The following KMT2E variants were observed in gnomAD, a reference collection of about 807,000 sequenced individuals.
The protein encoded by KMT2E is histone reader KMT2E.
In KMT2E, 30 loss-of-function variants were observed where a neutral mutation model predicts 184.6. The ratio of observed to expected loss-of-function variants is 0.16; its 90% CI spans 0.12 to 0.22. The LOEUF (loss-of-function observed/expected upper bound fraction) is 0.22, where lower values mean the gene tolerates loss of function less well. KMT2E is among the 10% of genes least tolerant of loss of function. The pLI, the probability that KMT2E is intolerant of heterozygous loss-of-function variation, is 1.00. For synonymous variants in KMT2E, 815 were observed against 776.5 expected, an observed-to-expected ratio of 1.05 and a Z score of -0.82; for missense variants, 2,023 against 2,237.4, an observed-to-expected ratio of 0.90 and a Z score of 1.93.
In KMT2E at chr7:105,046,252, A is replaced by G. The variant is rs186629316; in HGVS notation, c.71+5229A>G. Among the ~76,000 whole-genome samples the G allele has an allele frequency of 3.9e-4, 60 of 152,340 alleles. No individual in the cohort carries two copies. In the East Asian group the frequency reaches 0.011, roughly 28 times the overall value. The stretch of plus-strand genomic sequence containing the variant: ...TTTTCACTCAAAGACAGCAATACAC[A>G]TAAGCCATAATTTTTCTAAAAACAC... On this transcript the variant is annotated intron_variant, in intron 3 of 26. Coordinates refer to ENST00000311117, the MANE Select transcript of KMT2E (RefSeq NM_182931.3).
In KMT2E at chr7:105,106,569, T is replaced by G. The variant is rs1184733701; in HGVS notation, c.2644T>G (p.Ser882Ala). 6.2e-7 allele frequency: 1 copy of G among 1,612,712 alleles called. No individual in the cohort carries two copies. Among genetic ancestry groups the G allele is most frequent in the Admixed American group, 1.7e-5 (1 of 60,022 alleles). ...KKRRFYQLLD[S>A]VYSETSTPTP... ...ACGAAGATTTTATCAGTTGCTAGAT[T>G]CGGTTTACTCAGAAACCTCCACACC... The change falls in exon 20 of 27, where the codon TCG becomes GCG. Residue 882 changes from serine to alanine, a missense_variant. This residue lies in a region of KMT2E where 514 missense variants were observed against 621.8 expected (regional missense o/e 0.83). Transcript: ENST00000311117.
chr7:105,032,834 A>G (rs998694806), intron 1 of KMT2E, among the ~76,000 whole-genome samples: 1 of 152,236 alleles, frequency 6.6e-6, no homozygotes, highest in East Asian at 1.9e-4. Context: ...ATTATTAATT[A>G]CAATAAGCTT....
chr7:105,101,006 T>C (rs774226915), intron 15 of KMT2E, among the ~76,000 whole-genome samples: 7 of 152,192 alleles, frequency 4.6e-5, no homozygotes, highest in Admixed American at 2.0e-4. Flanking sequence ...AGTATGCCAA[T>C]AATATACTCA....
At chr7:105,092,507 A>G (rs1302017732) in intron 15 of KMT2E, among the ~76,000 whole-genome samples, 1 of 152,220 alleles carries the variant, frequency 6.6e-6, no homozygotes, top group Non-Finnish European at 1.5e-5. Flanking sequence ...AAATTCTGAA[A>G]ACTATAAAGA....
chr7:105,029,793 A>T (rs1795326704), intron 1 of KMT2E, among the ~76,000 whole-genome samples: 1 of 135,182 alleles, frequency 7.4e-6, no homozygotes, highest in Non-Finnish European at 1.7e-5. Flanking sequence ...GAGTGGGAAA[A>T]GTAAATCAAA....
Position 105,063,403 on chromosome 7 carries a change from C to T in KMT2E, c.239C>T (p.Pro80Leu), listed in dbSNP as rs765432325. ...CCGACACCTCCGGCTTCCCCTCCTCCATCAGTCCTTATTAGCAAAAATGAA... is the reference window on the plus strand; with the variant it reads ...CCGACACCTCCGGCTTCCCCTCCTCTATCAGTCCTTATTAGCAAAAATGAA... Reference protein sequence around the residue: ...PPPTPPASPPPSVLISKNEVG... With the variant: ...PPPTPPASPPLSVLISKNEVG... Residue 80 changes from proline to leucine, a missense_variant, in exon 5 of 27, where the codon CCA (proline) becomes CTA (leucine). This residue lies in a region of KMT2E where 48 missense variants were observed against 51.5 expected (regional missense o/e 0.93). Transcript: ENST00000311117. 1 of 1,613,652 alleles carries T rather than the reference C, an allele frequency of 6.2e-7. No homozygotes were observed. The highest frequency in any genetic ancestry group is 8.5e-7 in the Non-Finnish European group (1 of 1,179,796).
chr7:105,034,929 C>T (rs1317831933), intron 1 of KMT2E, among the ~76,000 whole-genome samples: 3 of 151,852 alleles, frequency 2.0e-5, no homozygotes, highest in African/African-American at 7.3e-5. Context: ...AATCCTGGCT[C>T]ACTGCAACCT....
intron 1 of KMT2E, among the ~76,000 whole-genome samples, chr7:105,033,365 AAAT>A (rs1190228346): frequency 6.6e-6 from 1 of 152,240 alleles, no homozygotes; most frequent in African/African-American, 2.4e-5. Context: ...TGGTTGTAAG[AAAT>A]AATAGAGAAA....
intron 3 of KMT2E, among the ~76,000 whole-genome samples, chr7:105,041,897 T>A (rs1795898819): frequency 6.6e-6 from 1 of 152,244 alleles, no homozygotes; most frequent in South Asian, 2.1e-4. Context: ...AGTGTTGATT[T>A]GTTTGTACTA....
At chr7:105,076,915 TGTGTAAGTCC>T (rs1797551312) in intron 9 of KMT2E, 38 bp from the exon 10 acceptor site, 1 of 898,632 alleles carries the variant, frequency 1.1e-6, no homozygotes, top group Non-Finnish European at 1.8e-6. Flanking sequence ...TGTGTGTGTG[TGTGTAAGTCC>T]GTAAGTCCAG....
intron 23 of KMT2E, among the ~76,000 whole-genome samples, chr7:105,109,976 G>C (rs757438599): frequency 6.6e-6 from 1 of 151,040 alleles, no homozygotes; most frequent in South Asian, 2.1e-4. Flanking sequence ...CCCGAGTAGC[G>C]CCCGCCACCA....
chr7:105,082,432 G>A (rs902265064), intron 13 of KMT2E, among the ~76,000 whole-genome samples: 6 of 152,118 alleles, frequency 3.9e-5, no homozygotes, highest in African/African-American at 1.2e-4. Context: ...CACATATTCT[G>A]TATGTCTTAT....
intron 14 of KMT2E, among the ~76,000 whole-genome samples, chr7:105,090,516 C>G (rs1030416939): frequency 1.3e-5 from 2 of 152,164 alleles, no homozygotes; most frequent in African/African-American, 4.8e-5. Flanking sequence ...TTTCCTAAGA[C>G]TAGATAACTT....
chr7:105,041,169 T>A, intron 3 of KMT2E, 146 bp downstream of exon 3: 2 of 577,308 alleles, frequency 3.5e-6, no homozygotes, highest in Non-Finnish European at 6.0e-6. Context: ...CGAAGTTACC[T>A]TTCTTTCTCA....
rs774702957 is a variant in KMT2E at position 105,113,001 on chromosome 7, C to T, written c.5245C>T (p.Leu1749Phe). ...CCACCCACCTCATCAAGGACCTCCA[C>T]TTTTTCCTTCGAGTGCTCATCCAAC... ...LHHPPHQGPP[L>F]FPSSAHPTVP... Residue 1749 changes from leucine to phenylalanine, a missense_variant, in exon 27 of 27, where the codon CTT becomes TTT. Coordinates refer to ENST00000311117, the MANE Select transcript of KMT2E (RefSeq NM_182931.3). 6.2e-7 allele frequency: 1 copy of T among 1,614,108 alleles called. No individual in the cohort carries two copies. Among genetic ancestry groups the T allele is most frequent in the Non-Finnish European group, 8.5e-7 (1 of 1,180,026 alleles).
intron 1 of KMT2E, among the ~76,000 whole-genome samples, chr7:105,033,889 G>A (rs772706156): frequency 2.0e-5 from 3 of 152,168 alleles, no homozygotes; most frequent in African/African-American, 4.8e-5. Flanking sequence ...AGGGAAATGG[G>A]CACGTGTGAA....
rs143165488 is a variant in KMT2E, at chr7:105,048,873, A to G, written c.71+7850A>G. On this transcript the variant is annotated intron_variant, in intron 3 of 26. Transcript: ENST00000311117. ...AGTTTGCCTACCACTTATTTAGAGC[A>G]AAGGAATCTTGATAATATACTGTTT... 2.0e-4 allele frequency among the ~76,000 whole-genome samples: 30 copies of G among 152,340 alleles called. No individual in the cohort carries two copies. The East Asian group carries it at 5.4e-3, about 27-fold the overall frequency.
intron 12 of KMT2E, among the ~76,000 whole-genome samples, chr7:105,080,402 C>G (rs1479905899): frequency 4.8e-5 from 7 of 146,092 alleles, no homozygotes; most frequent in Non-Finnish European, 9.1e-5. Flanking sequence ...TTTTTTTCCT[C>G]TCTTTTCTTT....
chr7:105,076,918 G>GTGTGTGTT, intron 9 of KMT2E, 45 bp from the exon 10 acceptor site: 1 of 896,048 alleles, frequency 1.1e-6, no homozygotes, highest in Non-Finnish European at 1.8e-6. Flanking sequence ...GTGTGTGTGT[G>GTGTGTGTT]TAAGTCCGTA....
Sources: allele counts gnomAD v4.1 joint callset (sites outside exome capture counted in the v4.1 genomes callset), GRCh38; gene constraint gnomAD v4.1.1; regional missense constraint gnomAD v4.1.1; transcripts MANE v1.5; gene names NCBI Gene and HGNC (gene_info 2026-07-23, HGNC 2026-07-21).